Variants in TNIK observed in about 807,000 individuals in gnomAD.
TNIK encodes TRAF2 and NCK interacting kinase, also known as TRAF2 and NCK-interacting protein kinase.
Under a neutral mutation model 191.3 loss-of-function variants are expected in TNIK, and 49 were observed. The ratio of observed to expected loss-of-function variants is 0.26; its 90% CI spans 0.20 to 0.32. The LOEUF (loss-of-function observed/expected upper bound fraction) is 0.32. TNIK is among the 10% of genes least tolerant of loss of function. The pLI is 1.00. For missense variants in TNIK, 1,155 were observed against 1,702.3 expected, an observed-to-expected ratio of 0.68 and a Z score of 5.66; for synonymous variants, 594 against 600.9, an observed-to-expected ratio of 0.99 and a Z score of 0.17.
chr3:171,181,878 CA>C (rs1182687701), intron 7 of TNIK, among the ~76,000 whole-genome samples: 3 of 152,264 alleles, frequency 2.0e-5, no homozygotes, highest in African/African-American at 7.2e-5. Context: ...ACACATACAG[CA>C]GTAATTTGAA....
rs565622797 is a variant in TNIK, at chr3:171,079,019, T to G, written c.3448+499A>C. ...TCATGAATTTTCTAACAATTCTATT[T>G]TCAGTCCCACCTTACACCTCCACTT... On this transcript the variant is annotated intron_variant, in intron 28 of 32. Coordinates refer to ENST00000436636, the MANE Select transcript of TNIK (RefSeq NM_015028.4). Among the ~76,000 whole-genome samples, 37 of 152,320 alleles carry G rather than the reference T, an allele frequency of 2.4e-4. No homozygotes were observed. The South Asian group carries it at 7.7e-3, about 32-fold the overall frequency.
chr3:171,183,588 T>C (rs1225119946), intron 7 of TNIK, among the ~76,000 whole-genome samples: 1 of 152,070 alleles, frequency 6.6e-6, no homozygotes, highest in Non-Finnish European at 1.5e-5. Flanking sequence ...GTAACACAAA[T>C]ATGAGGTTGA....
At chr3:171,145,779 CTTT>C (rs397875512) in intron 12 of TNIK, among the ~76,000 whole-genome samples, 2,932 of 133,354 alleles carry the variant, frequency 0.022, 82 homozygotes, top group African/African-American at 0.076. Context: ...TCAGTCTTTC[CTTT>C]TTTTTTTTTT....
intron 28 of TNIK, among the ~76,000 whole-genome samples, chr3:171,078,193 G>A (rs926831408): frequency 6.6e-6 from 1 of 152,034 alleles, no homozygotes; most frequent in African/African-American, 2.4e-5. Context: ...GACACTCAGT[G>A]AATCCTCTTA....
chr3:171,400,093 T>G (rs1720730066), intron 1 of TNIK, among the ~76,000 whole-genome samples: 1 of 152,074 alleles, frequency 6.6e-6, no homozygotes, highest in African/African-American at 2.4e-5. Flanking sequence ...AGACTCAGAG[T>G]GGACCCGGGA....
intron 2 of TNIK, among the ~76,000 whole-genome samples, chr3:171,249,415 C>G (rs146199835): frequency 6.6e-6 from 1 of 152,326 alleles, no homozygotes; most frequent in African/African-American, 2.4e-5. Flanking sequence ...ATCACTCAGG[C>G]TCTCCATCAC....
intron 2 of TNIK, among the ~76,000 whole-genome samples, chr3:171,338,333 A>G (rs150849757): frequency 1.7e-3 from 259 of 152,266 alleles, no homozygotes; most frequent in African/African-American, 5.9e-3. Context: ...AATTTTTCCC[A>G]GTTTTCTAGG....
chr3:171,323,691 TCA>T (rs1347857377), intron 2 of TNIK, among the ~76,000 whole-genome samples: 39 of 147,538 alleles, frequency 2.6e-4, no homozygotes, highest in African/African-American at 8.4e-4. Context: ...AATTTCAGTA[TCA>T]TCAGATTGAA....
chr3:171,344,762 C>T (rs1262203270), intron 2 of TNIK, among the ~76,000 whole-genome samples: 2 of 151,972 alleles, frequency 1.3e-5, no homozygotes, highest in African/African-American at 2.4e-5. Context: ...CTGCTTGAAA[C>T]GATCCCCATT....
At chr3:171,297,174 C>T (rs557129549) in intron 2 of TNIK, among the ~76,000 whole-genome samples, 21 of 152,126 alleles carry the variant, frequency 1.4e-4, no homozygotes, top group African/African-American at 3.9e-4. Flanking sequence ...GGGGAAAGAC[C>T]GGGGGCGGAA....
intron 2 of TNIK, among the ~76,000 whole-genome samples, chr3:171,280,377 C>A (rs1222594917): frequency 6.6e-6 from 1 of 152,160 alleles, no homozygotes; most frequent in Non-Finnish European, 1.5e-5. Flanking sequence ...CCTGGGTCCA[C>A]CACTTACAAG....
intron 2 of TNIK, among the ~76,000 whole-genome samples, chr3:171,275,545 TCAGAA>T (rs557973275): frequency 6.6e-6 from 1 of 152,270 alleles, no homozygotes; most frequent in African/African-American, 2.4e-5. Context: ...GAAGGATGAA[TCAGAA>T]AAGATTCTAA....
intron 18 of TNIK, among the ~76,000 whole-genome samples, chr3:171,120,312 CTTTTT>C (rs1365210676): frequency 6.8e-6 from 1 of 146,624 alleles, no homozygotes; most frequent in Admixed American, 6.7e-5. Context: ...CCTTGTTTTT[CTTTTT>C]TCTTTCTTTT....
intron 1 of TNIK, among the ~76,000 whole-genome samples, chr3:171,398,861 A>T (rs1720563598): frequency 6.6e-6 from 1 of 152,098 alleles, no homozygotes; most frequent in South Asian, 2.1e-4. Flanking sequence ...CGAAAGAAAT[A>T]ATTCTTATTT....
intron 2 of TNIK, among the ~76,000 whole-genome samples, chr3:171,308,877 T>A (rs551385719): frequency 6.6e-6 from 1 of 151,852 alleles, no homozygotes; most frequent in Non-Finnish European, 1.5e-5. Context: ...TTAGAATGGT[T>A]ATTAAAAAGT....
intron 3 of TNIK, chr3:171,225,506 C>T (rs1056498878): frequency 8.8e-6 from 4 of 454,562 alleles, no homozygotes; most frequent in South Asian, 1.6e-5. Context: ...AATGGATTGA[C>T]ACTCCTTTGC....
Position 171,128,726 on chromosome 3 carries a change from T to G in TNIK, c.1761A>C (p.Pro587=). The G allele has an allele frequency of 1.2e-6, 2 of 1,612,318 alleles. No homozygotes were observed. The highest frequency in any genetic ancestry group is 1.1e-5 in the South Asian group (1 of 90,828). Residue 587 remains proline (P), a synonymous_variant, in exon 16 of 33, where the codon CCA becomes CCC. Coordinates refer to ENST00000436636, the MANE Select transcript of TNIK (RefSeq NM_015028.4). Reference sequence around the variant, plus strand: ...AGGCAGACTGTACCTGGGGATCGACTGGTCTGAGCATGGGGGGTGTTCGAG... The same window carrying G: ...AGGCAGACTGTACCTGGGGATCGACGGGTCTGAGCATGGGGGGTGTTCGAG... ...QPARTPPMLR[P]VDPQIPHLVA...
At chr3:171,443,070 ATTTG>A (rs1348313912) in intron 1 of TNIK, among the ~76,000 whole-genome samples, 1 of 152,158 alleles carries the variant, frequency 6.6e-6, no homozygotes, top group African/African-American at 2.4e-5. Context: ...ACAGCGCTTT[ATTTG>A]TTTATTTGTT....
In TNIK at chr3:171,347,174, G is replaced by T. The variant is rs73171597; in HGVS notation, c.123+22446C>A. ...ATGATGTCATGGGTGACTCCTAGTT[G>T]GTTCTTGGAGTTGTGATAATGCCCT... On this transcript the variant is annotated intron_variant, in intron 2 of 32. Coordinates refer to ENST00000436636, the MANE Select transcript of TNIK (RefSeq NM_015028.4). The T allele has an allele frequency of 9.6e-3, 14,694 of 1,529,534 alleles. 100 individuals are homozygous for T. Among genetic ancestry groups the T allele is most frequent in the Non-Finnish European group, 0.011 (13,092 of 1,144,772 alleles). 94.7% of individuals were successfully genotyped at this position (1,529,534 alleles called of 1,614,324 possible). A position where few individuals can be genotyped will look rare whatever the true frequency, so the allele number is the denominator to read the frequency against.
Sources: gnomAD v4.1 joint callset for allele counts (sites outside exome capture counted in the v4.1 genomes callset) on GRCh38, gnomAD v4.1.1 for gene constraint, MANE v1.5 for transcripts, NCBI Gene and HGNC (gene_info 2026-07-23, HGNC 2026-07-21) for gene names.